ANO3: variants seen among roughly 807,000 people sequenced by gnomAD.
ANO3 encodes the protein anoctamin 3.
In ANO3, 99 loss-of-function variants were observed where a neutral mutation model predicts 144.8. The ratio of observed to expected loss-of-function variants is 0.68; its 90% CI spans 0.58 to 0.81. The LOEUF is 0.81. Ranked by LOEUF, ANO3 falls within the 30% of genes least tolerant of loss-of-function variation. ANO3 has a pLI of 0.00. For synonymous variants in ANO3, 414 were observed against 392.6 expected (o/e 1.05, Z -0.64); for missense variants, 905 against 1,202.2 (o/e 0.75, Z 3.66).
intron 1 of ANO3, among the ~76,000 whole-genome samples, chr11:26,203,189 G>A (rs1293678402): frequency 1.3e-5 from 2 of 152,004 alleles, no homozygotes; most frequent in Admixed American, 6.6e-5. Context: ...TATAACACAG[G>A]TCAATTTTGC....
At chr11:26,605,578 C>A (rs1448766581) in intron 17 of ANO3, among the ~76,000 whole-genome samples, 1 of 152,076 alleles carries the variant, frequency 6.6e-6, no homozygotes, top group Non-Finnish European at 1.5e-5. Flanking sequence ...GGTTGCTAGG[C>A]TATTAATTAC....
At chr11:26,284,682 G>C (rs1052959229) in intron 1 of ANO3, among the ~76,000 whole-genome samples, 1 of 152,050 alleles carries the variant, frequency 6.6e-6, no homozygotes, top group African/African-American at 2.4e-5. Context: ...GGCGGATCAA[G>C]AGGTCAGGAG....
At chr11:26,324,883 A>G (rs1304059401) in intron 1 of ANO3, among the ~76,000 whole-genome samples, 1 of 152,174 alleles carries the variant, frequency 6.6e-6, no homozygotes, top group Non-Finnish European at 1.5e-5. Context: ...TAAATACCTT[A>G]AAAAATATTT....
At chr11:26,274,488 C>A (rs1438085279) in intron 1 of ANO3, among the ~76,000 whole-genome samples, 2 of 151,968 alleles carry the variant, frequency 1.3e-5, no homozygotes, top group Non-Finnish European at 1.5e-5. Flanking sequence ...TGAAAAAAAA[C>A]CTTTGTTGTT....
At chr11:26,201,141 T>C (rs1851684651) in intron 1 of ANO3, among the ~76,000 whole-genome samples, 1 of 152,166 alleles carries the variant, frequency 6.6e-6, no homozygotes, top group Non-Finnish European at 1.5e-5. Context: ...ATAAGCACCA[T>C]GTGCCCACAG....
chr11:26,546,442 A>G (rs1849790446), intron 11 of ANO3, among the ~76,000 whole-genome samples: 1 of 151,988 alleles, frequency 6.6e-6, no homozygotes, highest in South Asian at 2.1e-4. Flanking sequence ...GAAATATGAC[A>G]AGAGAATCTT....
chr11:26,245,690 A>C (rs939775016), intron 1 of ANO3, among the ~76,000 whole-genome samples: 4 of 152,226 alleles, frequency 2.6e-5, no homozygotes, highest in African/African-American at 9.6e-5. Context: ...TTAATAGGAT[A>C]AATGGCATGC....
chr11:26,368,621 CAG>C (rs1003781234), intron 1 of ANO3, among the ~76,000 whole-genome samples: 1 of 151,124 alleles, frequency 6.6e-6, no homozygotes, highest in Non-Finnish European at 1.5e-5. Flanking sequence ...GAGATAGAGA[CAG>C]AGAGACAGAG....
intron 1 of ANO3, among the ~76,000 whole-genome samples, chr11:26,323,332 G>T (rs188919874): frequency 6.6e-6 from 1 of 152,184 alleles, no homozygotes; most frequent in East Asian, 1.9e-4. Context: ...CTGAATATCT[G>T]CTTTGGCAGT....
At chr11:26,205,520 T>C (rs911505096) in intron 1 of ANO3, among the ~76,000 whole-genome samples, 4 of 152,150 alleles carry the variant, frequency 2.6e-5, no homozygotes, top group African/African-American at 9.7e-5. Flanking sequence ...TAGATAATAA[T>C]TTGGGACTAA....
chr11:26,415,890 T>C (rs1157839905), intron 1 of ANO3, among the ~76,000 whole-genome samples: 3 of 152,104 alleles, frequency 2.0e-5, no homozygotes, highest in Non-Finnish European at 4.4e-5. Context: ...AACAATTGTA[T>C]TCAGACAGCT....
intron 1 of ANO3, among the ~76,000 whole-genome samples, chr11:26,379,677 C>T (rs1361688918): frequency 1.3e-5 from 2 of 152,014 alleles, no homozygotes; most frequent in Admixed American, 6.6e-5. Context: ...CCTGTGGTAT[C>T]AGCCACTCAG....
intron 4 of ANO3, among the ~76,000 whole-genome samples, chr11:26,473,099 T>G (rs577216507): frequency 3.9e-5 from 6 of 152,086 alleles, no homozygotes; most frequent in African/African-American, 9.6e-5. Flanking sequence ...CATTTGTTCT[T>G]TAACTGTTTC....
At chr11:26,305,537 T>G (rs112011337), upstream of ANO3, among the ~76,000 whole-genome samples, 1 of 152,026 alleles carries the variant, frequency 6.6e-6, no homozygotes, top group Non-Finnish European at 1.5e-5. Flanking sequence ...TTCAGAGGAA[T>G]AGCAAATTTG....
chr11:26,568,851 C>T (rs1850703987), intron 14 of ANO3, among the ~76,000 whole-genome samples: 1 of 152,038 alleles, frequency 6.6e-6, no homozygotes, highest in South Asian at 2.1e-4. Flanking sequence ...GCAAAGTTCA[C>T]AGCAAACATA....
chr11:26,657,633 C>A (rs903735497), intron 26 of ANO3, among the ~76,000 whole-genome samples: 1 of 152,030 alleles, frequency 6.6e-6, no homozygotes, highest in Non-Finnish European at 1.5e-5. Flanking sequence ...CCCTTTTCAT[C>A]CGTATAAATT....
At chr11:26,642,342 C>CTTTTTTTTTTTTTTTTTTTTTTTTTTTT in intron 22 of ANO3, among the ~76,000 whole-genome samples, 1 of 93,062 alleles carries the variant, frequency 1.1e-5, no homozygotes, top group South Asian at 4.1e-4. Context: ...TTCTTTCTTT[C>CTTTTTTTTTTTTTTTTTTTTTTTTTTTT]TTTTTTTTTT....
At chr11:26,556,480 C>T (rs1850085720) in intron 13 of ANO3, among the ~76,000 whole-genome samples, 1 of 151,520 alleles carries the variant, frequency 6.6e-6, no homozygotes, top group African/African-American at 2.4e-5. Flanking sequence ...AAAAAGGAGT[C>T]TGTATAAGAC....
intron 1 of ANO3, among the ~76,000 whole-genome samples, chr11:26,201,859 T>A (rs1407792262): frequency 6.6e-6 from 1 of 151,734 alleles, no homozygotes; most frequent in Non-Finnish European, 1.5e-5. Flanking sequence ...AGATTTTCAA[T>A]TTTTATTACT....
Sources: allele counts gnomAD v4.1 joint callset (sites outside exome capture counted in the v4.1 genomes callset), GRCh38; gene constraint gnomAD v4.1.1; transcripts MANE v1.5; gene names NCBI Gene and HGNC (gene_info 2026-07-23, HGNC 2026-07-21).